Variants in NFASC observed in about 807,000 individuals in gnomAD.
The protein encoded by NFASC is neurofascin homolog.
In NFASC, 43 loss-of-function variants were observed where a neutral mutation model predicts 147.5. The ratio of observed to expected loss-of-function variants is 0.29; its 90% CI spans 0.23 to 0.38. NFASC has a LOEUF of 0.38. Ranked by LOEUF, NFASC falls within the 10% of genes least tolerant of loss-of-function variation. NFASC has a pLI of 1.00. For synonymous variants in NFASC, 622 were observed against 665.5 expected (o/e 0.93, Z 1.01); for missense variants, 1,320 against 1,689.0 (o/e 0.78, Z 3.83).
chr1:204,979,249 C>T lies in NFASC; in HGVS notation c.1979-113C>T. On this transcript the variant is annotated intron_variant, in intron 18 of 29. Transcript: ENST00000339876. The surrounding 1 kb of genome is among the most constrained non-coding windows in gnomAD (Gnocchi z 6.0). ...TGCCTTGGGAAGAATTCTCCTTGTG[C>T]CTTTGTGTGAGAGAGATTATAAAGA... The T allele has an allele frequency of 4.8e-6, 5 of 1,043,366 alleles. No homozygotes were observed. In the South Asian group the frequency reaches 5.4e-5, roughly 11 times the overall value. 64.6% of individuals were successfully genotyped at this position (1,043,366 alleles called of 1,614,324 possible).
At chr1:204,961,299 CAT>C (rs895516442) in intron 8 of NFASC, among the ~76,000 whole-genome samples, 34 of 152,350 alleles carry the variant, frequency 2.2e-4, no homozygotes, top group Admixed American at 2.0e-3. Context: ...TTCAATCCTG[CAT>C]AGTCTAGAGA....
chr1:205,004,989 G>A (rs999085556), intron 27 of NFASC, among the ~76,000 whole-genome samples: 4 of 152,204 alleles, frequency 2.6e-5, no homozygotes, highest in African/African-American at 4.8e-5. Flanking sequence ...TGCTGGGGGC[G>A]GGATGGGGTA....
chr1:204,974,808 C>T lies in NFASC; in HGVS notation c.1543C>T (p.Arg515Cys), dbSNP rs149731085. The change falls in exon 14 of 30, where the codon CGC becomes TGC. Residue 515 changes from arginine (R) to cysteine (C), a missense_variant. By Grantham distance (180) the Arg-to-Cys change is radical. This residue lies in a region of NFASC where 981 missense variants were observed against 1,289.5 expected (regional missense o/e 0.76). Transcript: ENST00000339876. ...CCTGGGCAAAGCTGAAAACCAAGTCCGCCTGGAGGTCAAAGGTAAAGGAGA... is the reference window on the plus strand; with the variant it reads ...CCTGGGCAAAGCTGAAAACCAAGTCTGCCTGGAGGTCAAAGGTAAAGGAGA... ...NILGKAENQV[R>C]LEVKDPTRIY... The T allele has an allele frequency of 9.5e-5, 154 of 1,614,126 alleles. No individual in the cohort carries two copies. Among genetic ancestry groups the T allele is most frequent in the Admixed American group, 4.3e-4 (26 of 60,024 alleles).
Position 204,954,923 on chromosome 1 carries a change from A to G in NFASC, c.507A>G (p.Pro169=), listed in dbSNP as rs758281007. The change falls in exon 7 of 30, where the codon CCA becomes CCG. Residue 169 remains proline (P), a synonymous_variant. Transcript: ENST00000339876. The surrounding 1 kb of genome is among the most constrained non-coding windows in gnomAD (Gnocchi z 5.7). ...TLQCNPPPGL[P]SPVIFWMSSS... ...AGTGCAACCCCCCGCCTGGACTTCC[A>G]TCCCCGGTCATCTTCTGGATGAGCA... 8.7e-6 allele frequency: 14 copies of G among 1,613,674 alleles called. No individual in the cohort carries two copies. Among genetic ancestry groups the G allele is most frequent in the African/African-American group, 8.0e-5 (6 of 74,778 alleles).
At position 204,986,672 on chromosome 1, in the gene NFASC, A is replaced by G. The variant is rs2095621788; in HGVS notation, c.2471-746A>G. On this transcript the variant is annotated intron_variant, in intron 21 of 29. Transcript: ENST00000339876. This position sits in a 1 kb window ranked among gnomAD's most constrained non-coding sequence, Gnocchi z 4.2. ...CACATAAATTCAAGTTCATGAATTA[A>G]CAGATGACTGCAAAGTTCCTGGTTC... The G allele has an allele frequency of 6.3e-6, 1 of 157,850 alleles. No homozygotes were observed. The highest frequency in any genetic ancestry group is 2.4e-5 in the African/African-American group (1 of 41,554). The allele number at this position is 157,850 out of a possible 1,614,324, so 9.8% of individuals were successfully genotyped here. A position where few individuals can be genotyped will look rare whatever the true frequency, so the allele number is the denominator to read the frequency against.
chr1:204,829,066 C>T (rs1376521473), intron 1 of NFASC, among the ~76,000 whole-genome samples: 1 of 132,352 alleles, frequency 7.6e-6, no homozygotes, highest in Non-Finnish European at 1.6e-5. Context: ...GCATCCTCAA[C>T]CCTTTCCCTT....
At chr1:204,879,754 G>T (rs2079768796) in intron 1 of NFASC, among the ~76,000 whole-genome samples, 1 of 152,226 alleles carries the variant, frequency 6.6e-6, no homozygotes, top group East Asian at 1.9e-4. Flanking sequence ...TGCAGAAAAG[G>T]ATGGAGAGAA....
intron 2 of NFASC, among the ~76,000 whole-genome samples, chr1:204,943,817 T>G (rs1024113297): frequency 2.0e-5 from 3 of 152,252 alleles, no homozygotes; most frequent in Non-Finnish European, 4.4e-5. Context: ...TTCTGGTTGC[T>G]GGGCCTGCAG....
rs561056092 is a variant in NFASC, at chr1:205,022,728, C to T, written c.*6189C>T. 6.6e-6 allele frequency: 1 copy of T among 152,610 alleles called. No homozygotes were observed. The highest frequency in any genetic ancestry group is 2.4e-5 in the African/African-American group (1 of 41,482). The allele number at this position is 152,610 out of a possible 1,614,324, so 9.5% of individuals were successfully genotyped here. ...CTGACTGCATGAGCAATGAAAAGGC[C>T]AAATTATTCTGAATTTTTTTTGAAT... On this transcript the variant is annotated 3_prime_UTR_variant, in exon 30 of 30. Coordinates refer to ENST00000339876, the MANE Select transcript of NFASC (RefSeq NM_001005388.3).
At position 204,976,706 on chromosome 1, in the gene NFASC, G is replaced by T; in HGVS notation, c.1742G>T (p.Gly581Val). 1.2e-6 allele frequency: 2 copies of T among 1,613,988 alleles called. No individual in the cohort carries two copies. The highest frequency in any genetic ancestry group is 1.7e-6 in the Non-Finnish European group (2 of 1,179,912). Residue 581 changes from glycine to valine, a missense_variant, in exon 16 of 30, where the codon GGG (glycine) becomes GTG (valine). Gly to Val is a moderately radical substitution (Grantham distance 109, BLOSUM62 -3). Coordinates refer to ENST00000339876, the MANE Select transcript of NFASC (RefSeq NM_001005388.3). Reference protein sequence around the residue: ...KKEDDSLTIFGVAERDQGSYT... With the variant: ...KKEDDSLTIFVVAERDQGSYT... Reference sequence around the variant, plus strand: ...GAAGACGACTCCCTGACCATCTTTGGGGTGGCAGAGCGGGACCAGGGCAGT... The same window carrying T: ...GAAGACGACTCCCTGACCATCTTTGTGGTGGCAGAGCGGGACCAGGGCAGT...
intron 1 of NFASC, among the ~76,000 whole-genome samples, chr1:204,920,099 G>A (rs1257013399): frequency 2.0e-5 from 3 of 152,194 alleles, no homozygotes; most frequent in African/African-American, 7.2e-5. Flanking sequence ...ATAGAGAAGT[G>A]TCCTACTCTA....
At chr1:204,902,555 A>G (rs559775034) in intron 1 of NFASC, among the ~76,000 whole-genome samples, 1 of 152,316 alleles carries the variant, frequency 6.6e-6, no homozygotes, top group East Asian at 1.9e-4. Flanking sequence ...ATGCTGAAAT[A>G]TCAGTAGATG....
rs187981664 is a variant in NFASC at position 204,979,928 on chromosome 1, T to C, written c.2176+369T>C. On this transcript the variant is annotated intron_variant, in intron 19 of 29. Coordinates refer to ENST00000339876, the MANE Select transcript of NFASC (RefSeq NM_001005388.3). This position sits in a 1 kb window ranked among gnomAD's most constrained non-coding sequence, Gnocchi z 6.0. ...AATTGGTATTACATCAGATTTCTTT[T>C]CCTAACACTCTTGGGTAATATTTGG... Among the ~76,000 whole-genome samples, 43 of 152,352 alleles carry C rather than the reference T, an allele frequency of 2.8e-4. No homozygotes were observed. Among genetic ancestry groups the C allele is most frequent in the Middle Eastern group, 3.4e-3 (1 of 294 alleles).
intron 1 of NFASC, among the ~76,000 whole-genome samples, chr1:204,909,706 T>C (rs1275216634): frequency 6.6e-6 from 1 of 152,256 alleles, no homozygotes; most frequent in Non-Finnish European, 1.5e-5. Flanking sequence ...CTACATTTTA[T>C]GTTTAAGTTG....
chr1:204,999,138 T>C (rs939620066), intron 25 of NFASC: 2 of 152,206 alleles, frequency 1.3e-5, no homozygotes, highest in Admixed American at 1.3e-4. Context: ...TCCAGGGAGA[T>C]TCCTTAATTC....
intron 27 of NFASC, among the ~76,000 whole-genome samples, chr1:205,005,034 GCAGT>G (rs1011624844): frequency 2.0e-5 from 3 of 152,224 alleles, no homozygotes; most frequent in African/African-American, 7.2e-5. Context: ...GAGTGGGCCA[GCAGT>G]CAGATAGCAG....
chr1:204,896,225 T>A (rs2083367984), intron 1 of NFASC, among the ~76,000 whole-genome samples: 1 of 152,192 alleles, frequency 6.6e-6, no homozygotes, highest in Non-Finnish European at 1.5e-5. Context: ...AGCCCCCGCC[T>A]GTGGCTGCTG....
chr1:204,939,155 A>G (rs1046107237), intron 2 of NFASC, among the ~76,000 whole-genome samples: 2 of 150,914 alleles, frequency 1.3e-5, no homozygotes, highest in Admixed American at 1.3e-4. Flanking sequence ...TTAGTATACC[A>G]TGCATCCACA....
intron 1 of NFASC, among the ~76,000 whole-genome samples, chr1:204,910,294 G>A (rs2087040374): frequency 6.6e-6 from 1 of 151,972 alleles, no homozygotes; most frequent in Non-Finnish European, 1.5e-5. Flanking sequence ...TCCTATGCAT[G>A]TTTTGTTCAT....
Sources: allele counts gnomAD v4.1 joint callset (sites outside exome capture counted in the v4.1 genomes callset), GRCh38; gene constraint gnomAD v4.1.1; regional missense constraint gnomAD v4.1.1; non-coding constraint Gnocchi (gnomAD v3.1); transcripts MANE v1.5; gene names NCBI Gene and HGNC (gene_info 2026-07-23, HGNC 2026-07-21).